COA7: variants seen among roughly 807,000 people sequenced by gnomAD.
The protein encoded by COA7 is Sel1 repeat containing 1.
In COA7, 12 loss-of-function variants were observed where a neutral mutation model predicts 21.0. That is an observed-to-expected ratio of 0.57 (90% confidence interval 0.37 to 0.92). The LOEUF is 0.92. Among genes scored for constraint, COA7 ranks in the 40% least tolerant of loss-of-function variants. The probability of loss-of-function intolerance (pLI) is 0.01; values close to 1 mark genes in which losing one functional copy is unlikely to be tolerated. For missense variants in COA7, 240 were observed against 286.1 expected (o/e 0.84, Z 1.16); for synonymous variants, 95 against 107.4 (o/e 0.88, Z 0.72).
At chr1:52,696,998 A>ACTC (rs1398267272) in intron 1 of COA7, among the ~76,000 whole-genome samples, 1 of 151,918 alleles carries the variant, frequency 6.6e-6, no homozygotes, top group Admixed American at 6.6e-5. Context: ...AATCCCAGCT[A>ACTC]CTCGGGAGGC....
intron 1 of COA7, among the ~76,000 whole-genome samples, chr1:52,693,475 G>A (rs377614139): frequency 1.6e-4 from 25 of 151,748 alleles, no homozygotes; most frequent in East Asian, 5.8e-4. Flanking sequence ...GTGTGGTGGC[G>A]CACACCTGTA....
chr1:52,692,758 G>A lies in COA7; in HGVS notation c.216C>T (p.Tyr72=), dbSNP rs1395444379. ...CAGTCACATAGTAGGCCCCCAGTTT[G>A]TAGCAGCTATCACTGTGCTGGTTCT... ...CEENQHSDSC[Y]KLGAYYVTGK... Residue 72 remains tyrosine (Y), a synonymous_variant, in exon 2 of 3, where the codon TAC becomes TAT. Coordinates refer to ENST00000371538, the MANE Select transcript of COA7 (RefSeq NM_023077.3). The A allele has an allele frequency of 1.2e-6, 2 of 1,614,178 alleles. No individual in the cohort carries two copies. The highest frequency in any genetic ancestry group is 1.7e-6 in the Non-Finnish European group (2 of 1,180,020).
At chr1:52,690,026 C>CAA (rs1274702331) in intron 2 of COA7, among the ~76,000 whole-genome samples, 9 of 101,568 alleles carry the variant, frequency 8.9e-5, no homozygotes, top group East Asian at 1.2e-3. Context: ...AACTCTGTCT[C>CAA]AAAAAAAAAA....
chr1:52,695,192 G>A (rs1022626460), intron 1 of COA7, among the ~76,000 whole-genome samples: 1 of 151,898 alleles, frequency 6.6e-6, no homozygotes, highest in African/African-American at 2.4e-5. Context: ...TACTTGGGAG[G>A]CTGAGGCAGG....
At position 52,698,228 on chromosome 1, in the gene COA7, G is replaced by T; in HGVS notation, c.99C>A (p.Asp33Glu). Residue 33 changes from aspartate (D) to glutamate (E), a missense_variant, in exon 1 of 3, where the codon GAC becomes GAA. Coordinates refer to ENST00000371538, the MANE Select transcript of COA7 (RefSeq NM_023077.3). ...ECNYHCYHEK[D>E]PDGCYRLVDY... Reference sequence around the variant, plus strand: ...TGCGCTGGAGCCGCTCACCGTCCGGGTCCTTCTCGTGGTAGCAGTGGTAGT... The same window carrying T: ...TGCGCTGGAGCCGCTCACCGTCCGGTTCCTTCTCGTGGTAGCAGTGGTAGT... 2 of 1,609,554 alleles carry T rather than the reference G, an allele frequency of 1.2e-6. No individual in the cohort carries two copies. The highest frequency in any genetic ancestry group is 8.5e-7 in the Non-Finnish European group (1 of 1,177,742).
At chr1:52,693,538 G>A (rs141140002) in intron 1 of COA7, among the ~76,000 whole-genome samples, 2,057 of 151,630 alleles carry the variant, frequency 0.014, 45 homozygotes, top group African/African-American at 0.048. Context: ...CCCAGGGGGC[G>A]GAGGTTGCGG....
rs764488330 is a variant in COA7 at position 52,692,779 on chromosome 1, G to A, written c.195C>T (p.Asn65=). The part of the protein sequence containing the change: ...AKVLKFNCEE[N]QHSDSCYKLG... ...GTTTGTAGCAGCTATCACTGTGCTG[G>A]TTCTCTTCACAGTTAAACTTCAACA... Residue 65 remains asparagine, a synonymous_variant, in exon 2 of 3, where the codon AAC becomes AAT. Transcript: ENST00000371538. 2.8e-5 allele frequency: 45 copies of A among 1,613,990 alleles called. No homozygotes were observed. The highest frequency in any genetic ancestry group is 1.6e-4 in the Middle Eastern group (1 of 6,084).
intron 2 of COA7, among the ~76,000 whole-genome samples, chr1:52,690,507 T>C (rs1229501925): frequency 6.6e-6 from 1 of 151,992 alleles, no homozygotes; most frequent in Non-Finnish European, 1.5e-5. Flanking sequence ...TACTTGAATT[T>C]ATCAGAAGAA....
Position 52,692,861 on chromosome 1 carries a change from T to G in COA7, c.113A>C (p.Tyr38Ser). Residue 38 changes from tyrosine (Y) to serine (S), a missense_variant, in exon 2 of 3, where the codon TAT becomes TCT. Physicochemically the swap from Tyr to Ser is moderately radical, Grantham distance 144 (BLOSUM62 -2). Around this residue, in one of 3 missense-constraint regions of COA7, gnomAD observed 71 missense variants for 54.7 expected, o/e 1.30. Coordinates refer to ENST00000371538, the MANE Select transcript of COA7 (RefSeq NM_023077.3). ...CCCTTCCAAATAGTCCACCAGCCGA[T>G]AGCAACCTGCGAGAAGAGGGCAAGG... ...CYHEKDPDGCYRLVDYLEGIR... is the reference protein window; with the variant it reads ...CYHEKDPDGCSRLVDYLEGIR... The G allele has an allele frequency of 6.2e-7, 1 of 1,614,158 alleles. No homozygotes were observed. The highest frequency in any genetic ancestry group is 8.5e-7 in the Non-Finnish European group (1 of 1,180,026).
chr1:52,697,171 G>C lies in COA7; in HGVS notation c.106+1050C>G, dbSNP rs570574826. Among the ~76,000 whole-genome samples the C allele has an allele frequency of 2.0e-5, 3 of 151,814 alleles. No individual in the cohort carries two copies. The South Asian group carries it at 6.2e-4, about 32-fold the overall frequency. On this transcript the variant is annotated intron_variant, in intron 1 of 2. Transcript: ENST00000371538. ...TGGTTCATGCCTGTAATCAAAGGCG[G>C]GAGGATCACTTGAGCCCAGGAGTTG...
intron 2 of COA7, among the ~76,000 whole-genome samples, chr1:52,691,052 G>A (rs1436550123): frequency 2.0e-5 from 3 of 151,834 alleles, no homozygotes; most frequent in East Asian, 1.9e-4. Context: ...GTGGTGAGCC[G>A]AGATCATGCC....
intron 1 of COA7, among the ~76,000 whole-genome samples, chr1:52,695,554 G>A (rs919206989): frequency 6.6e-6 from 1 of 152,070 alleles, no homozygotes; most frequent in African/African-American, 2.4e-5. Flanking sequence ...GTTCATATAT[G>A]CCTGAGTATG....
At position 52,688,098 on chromosome 1, in the gene COA7, C is replaced by T. The variant is rs2149903522; in HGVS notation, c.318G>A (p.Lys106=). ...FLMACEKPGK[K]SIAACHNVGL... ...CAACGTTGTGACATGCTGCTATTGA[C>T]TTCTTTCCAGGCTTCTCACACGCCA... The change falls in exon 3 of 3, where the codon AAG becomes AAA. Residue 106 remains lysine (K), a synonymous_variant. Coordinates refer to ENST00000371538, the MANE Select transcript of COA7 (RefSeq NM_023077.3). The T allele has an allele frequency of 1.9e-6, 3 of 1,614,134 alleles. No homozygotes were observed. The African/African-American group carries it at 4.0e-5, about 22-fold the overall frequency.
chr1:52,687,493 G>A lies in COA7; in HGVS notation c.*227C>T. 1.8e-6 allele frequency: 1 copy of A among 567,754 alleles called. No individual in the cohort carries two copies. The highest frequency in any genetic ancestry group is 3.1e-6 in the Non-Finnish European group (1 of 317,540). The allele number at this position is 567,754 out of a possible 1,614,324, so 35.2% of individuals were successfully genotyped here. A position where few individuals can be genotyped will look rare whatever the true frequency, so the allele number is the denominator to read the frequency against. On this transcript the variant is annotated 3_prime_UTR_variant, in exon 3 of 3. Transcript: ENST00000371538. ...ACATCCAGATGAAGGAATATTGACT[G>A]TAATAAACATTGTACAGAACACCCA... is the stretch of plus-strand genomic sequence containing the variant.
chr1:52,692,901 C>T (rs768964490), intron 1 of COA7, 34 bp from the exon 2 acceptor site: 1 of 1,612,568 alleles, frequency 6.2e-7, no homozygotes, highest in East Asian at 2.2e-5. Context: ...TTCTTCATGT[C>T]TGGGGCTGCT....
chr1:52,691,094 C>A (rs1038248636), intron 2 of COA7, among the ~76,000 whole-genome samples: 16 of 151,640 alleles, frequency 1.1e-4, no homozygotes, highest in African/African-American at 3.6e-4. Context: ...CAGAGTGGGA[C>A]CCTGTCTCGG....
chr1:52,693,969 C>A (rs949679906), intron 1 of COA7, among the ~76,000 whole-genome samples: 2 of 152,088 alleles, frequency 1.3e-5, no homozygotes, highest in African/African-American at 4.8e-5. Flanking sequence ...AATAAATGAA[C>A]AAAATTTATT....
At position 52,686,696 on chromosome 1, in the gene COA7, C is replaced by T. The variant is rs978603421; in HGVS notation, c.*1024G>A. 3 of 152,272 alleles carry T rather than the reference C, an allele frequency of 2.0e-5. No individual in the cohort carries two copies. The highest frequency in any genetic ancestry group is 2.0e-4 in the Admixed American group (3 of 15,278). 9.4% of individuals were successfully genotyped at this position (152,272 alleles called of 1,614,324 possible). On this transcript the variant is annotated 3_prime_UTR_variant, in exon 3 of 3. Coordinates refer to ENST00000371538, the MANE Select transcript of COA7 (RefSeq NM_023077.3). ...ATCTCCTGATCTCGTGATCCACCCG[C>T]CTTGGCCACCCAAAGTGCTGGGGTT...
chr1:52,698,088 G>A, intron 1 of COA7, 133 bp downstream of exon 1: 1 of 688,160 alleles, frequency 1.5e-6, no homozygotes, highest in South Asian at 1.7e-5. Context: ...AACACACGCG[G>A]TCACCGCGAT....
Sources: allele counts gnomAD v4.1 joint callset (sites outside exome capture counted in the v4.1 genomes callset), GRCh38; gene constraint gnomAD v4.1.1; regional missense constraint gnomAD v4.1.1; transcripts MANE v1.5; gene names NCBI Gene and HGNC (gene_info 2026-07-23, HGNC 2026-07-21).